LRP1B: variants seen among roughly 807,000 people sequenced by gnomAD.
LRP1B encodes low-density lipoprotein receptor-related protein 1B.
In LRP1B, 217 loss-of-function variants were observed where a neutral mutation model predicts 556.6. The ratio of observed to expected loss-of-function variants is 0.39; its 90% CI spans 0.35 to 0.44. The LOEUF is 0.44. LRP1B is among the 20% of genes least tolerant of loss of function. LRP1B has a pLI of 1.00. For synonymous variants in LRP1B, 2,047 were observed against 1,865.8 expected, an observed-to-expected ratio of 1.10 and a Z score of -2.50; for missense variants, 5,053 against 5,620.8, an observed-to-expected ratio of 0.90 and a Z score of 3.23.
Position 140,536,728 on chromosome 2 carries a change from A to G in LRP1B, c.7514-19T>C, listed in dbSNP as rs2105004337. The G allele has an allele frequency of 6.4e-7, 1 of 1,573,272 alleles. No individual in the cohort carries two copies. ...TTTTTAGCTGCAAGAAAAAAAAAAAAAGTCAATACTTTTGTGCAATGGCAA... is the reference window on the plus strand; with the variant it reads ...TTTTTAGCTGCAAGAAAAAAAAAAAGAGTCAATACTTTTGTGCAATGGCAA... On this transcript the variant is annotated intron_variant, in intron 45 of 90. Coordinates refer to ENST00000389484, the MANE Select transcript of LRP1B (RefSeq NM_018557.3).
intron 57 of LRP1B, among the ~76,000 whole-genome samples, chr2:140,490,704 T>C (rs148982036): frequency 6.6e-6 from 1 of 152,212 alleles, no homozygotes; most frequent in East Asian, 1.9e-4. Context: ...AAACTGTGAG[T>C]AAAAATATGT....
chr2:141,960,455 A>G (rs1701371430), intron 1 of LRP1B, among the ~76,000 whole-genome samples: 1 of 151,774 alleles, frequency 6.6e-6, no homozygotes, highest in Non-Finnish European at 1.5e-5. Flanking sequence ...TCTCCTAACA[A>G]CATATTATCG....
At chr2:141,047,046 C>CACTCCAGCCTGGGCG (rs1455645487) in intron 11 of LRP1B, among the ~76,000 whole-genome samples, 6 of 8,288 alleles carry the variant, frequency 7.2e-4, no homozygotes, top group Non-Finnish European at 2.1e-3. Flanking sequence ...TGCAGCACTG[C>CACTCCAGCCTGGGCG]ACAAAAATTA....
At chr2:141,844,882 T>C (rs1697592262) in intron 1 of LRP1B, among the ~76,000 whole-genome samples, 1 of 151,988 alleles carries the variant, frequency 6.6e-6, no homozygotes, top group African/African-American at 2.4e-5. Flanking sequence ...TGAGATGCTA[T>C]GATTATATAG....
At chr2:141,845,679 A>G (rs1205851423) in intron 1 of LRP1B, among the ~76,000 whole-genome samples, 1 of 151,854 alleles carries the variant, frequency 6.6e-6, no homozygotes, top group Admixed American at 6.6e-5. Flanking sequence ...CTGAGACATT[A>G]AATGCAAAAA....
chr2:142,041,595 G>T (rs891684775), intron 1 of LRP1B, among the ~76,000 whole-genome samples: 1 of 151,394 alleles, frequency 6.6e-6, no homozygotes, highest in Non-Finnish European at 1.5e-5. Flanking sequence ...GAAACTCAAA[G>T]AAGTTATTTT....
intron 86 of LRP1B, among the ~76,000 whole-genome samples, chr2:140,252,014 T>C (rs1441170575): frequency 7.8e-6 from 1 of 128,328 alleles, no homozygotes; most frequent in Non-Finnish European, 1.6e-5. Context: ...ATGTATCCCC[T>C]GAGTCTTTTA....
At chr2:141,951,218 G>T (rs956975121) in intron 1 of LRP1B, among the ~76,000 whole-genome samples, 3 of 151,478 alleles carry the variant, frequency 2.0e-5, no homozygotes, top group African/African-American at 7.3e-5. Context: ...AGTTTTGGGG[G>T]TACATATGAT....
intron 11 of LRP1B, among the ~76,000 whole-genome samples, chr2:141,045,073 C>T (rs1314952797): frequency 2.8e-4 from 42 of 150,312 alleles, no homozygotes; most frequent in Admixed American, 8.0e-4. Context: ...ATATACACCA[C>T]GGAATACTAT....
chr2:141,880,367 C>A (rs999839414), intron 1 of LRP1B, among the ~76,000 whole-genome samples: 3 of 151,500 alleles, frequency 2.0e-5, no homozygotes, highest in African/African-American at 7.3e-5. Context: ...ACTTTTGCAC[C>A]AATTTAAAAT....
intron 84 of LRP1B, among the ~76,000 whole-genome samples, chr2:140,292,434 G>T (rs1683425528): frequency 6.6e-6 from 1 of 152,108 alleles, no homozygotes; most frequent in Non-Finnish European, 1.5e-5. Flanking sequence ...CTTTGCATAT[G>T]CTGTTCCCTC....
intron 1 of LRP1B, among the ~76,000 whole-genome samples, chr2:142,080,627 T>G (rs1384674811): frequency 2.0e-5 from 3 of 152,206 alleles, no homozygotes; most frequent in Non-Finnish European, 4.4e-5. Flanking sequence ...CTCTAATGCT[T>G]CAAGTGTTTC....
intron 3 of LRP1B, among the ~76,000 whole-genome samples, chr2:141,356,208 C>T (rs548021986): frequency 6.6e-6 from 1 of 152,298 alleles, no homozygotes; most frequent in East Asian, 1.9e-4. Context: ...ATAGTAGCAG[C>T]CTGAATGGCA....
intron 1 of LRP1B, among the ~76,000 whole-genome samples, chr2:142,025,920 C>T (rs1338274474): frequency 6.6e-6 from 1 of 152,070 alleles, no homozygotes; most frequent in Non-Finnish European, 1.5e-5. Context: ...TGACCTACTA[C>T]CCAGCATCTT....
chr2:141,113,985 G>T (rs1325527636), intron 7 of LRP1B, among the ~76,000 whole-genome samples: 1 of 152,184 alleles, frequency 6.6e-6, no homozygotes, highest in Admixed American at 6.5e-5. Flanking sequence ...TATTTAACAG[G>T]TCATTCTATG....
At chr2:141,992,640 C>G (rs989132471) in intron 1 of LRP1B, among the ~76,000 whole-genome samples, 3 of 152,112 alleles carry the variant, frequency 2.0e-5, no homozygotes, top group Non-Finnish European at 2.9e-5. Context: ...ATAGACCTTT[C>G]TCATTGAAAA....
chr2:141,860,441 TA>T (rs1222810590), intron 1 of LRP1B, among the ~76,000 whole-genome samples: 1 of 152,170 alleles, frequency 6.6e-6, no homozygotes, highest in East Asian at 1.9e-4. Context: ...AAGTCTGAAT[TA>T]AATCTTTCAA....
At chr2:140,661,628 C>A (rs1685097471) in intron 41 of LRP1B, among the ~76,000 whole-genome samples, 1 of 152,016 alleles carries the variant, frequency 6.6e-6, no homozygotes, top group Non-Finnish European at 1.5e-5. Context: ...GATTGCACCA[C>A]TGCACTCCAG....
chr2:141,746,848 T>G (rs1693932446), intron 2 of LRP1B, among the ~76,000 whole-genome samples: 1 of 152,220 alleles, frequency 6.6e-6, no homozygotes, highest in East Asian at 1.9e-4. Flanking sequence ...CTATGTGGTA[T>G]TAATATCCTT....
Sources: gnomAD v4.1 joint callset for allele counts (sites outside exome capture counted in the v4.1 genomes callset) on GRCh38, gnomAD v4.1.1 for gene constraint, MANE v1.5 for transcripts, NCBI Gene and HGNC (gene_info 2026-07-23, HGNC 2026-07-21) for gene names.